The following EXOSC3 variants were observed in gnomAD, a reference collection of about 807,000 sequenced individuals.
EXOSC3 encodes the protein exosome complex component RRP40.
Under a neutral mutation model 25.1 loss-of-function variants are expected in EXOSC3, and 18 were observed. The ratio of observed to expected loss-of-function variants is 0.72; its 90% CI spans 0.50 to 1.06. The LOEUF (loss-of-function observed/expected upper bound fraction) is 1.06, where lower values mean the gene tolerates loss of function less well. Among genes scored for constraint, EXOSC3 ranks in the 50% least tolerant of loss-of-function variants. EXOSC3 has a pLI of 0.00. For missense variants in EXOSC3, 382 were observed against 350.9 expected, an observed-to-expected ratio of 1.09 and a Z score of -0.71; for synonymous variants, 165 against 132.2, an observed-to-expected ratio of 1.25 and a Z score of -1.70.
intron 3 of EXOSC3, among the ~76,000 whole-genome samples, chr9:37,781,329 A>T (rs1828591141): frequency 6.6e-6 from 1 of 151,154 alleles, no homozygotes; most frequent in Non-Finnish European, 1.5e-5. Flanking sequence ...TCTTGGTTAA[A>T]AACATGCTTC....
intron 3 of EXOSC3, 127 bp downstream of exon 3, chr9:37,781,859 G>T: frequency 1.0e-6 from 1 of 1,004,684 alleles, no homozygotes. Context: ...GTGTTAAAAT[G>T]GATACTGATT....
At chr9:37,784,437 G>T in intron 1 of EXOSC3, 1 of 527,994 alleles carries the variant, frequency 1.9e-6, no homozygotes, top group Non-Finnish European at 3.3e-6. Context: ...GCCTAGTCCT[G>T]CCCTCTGAGA....
intron 3 of EXOSC3, among the ~76,000 whole-genome samples, chr9:37,781,215 A>T (rs1178105955): frequency 1.3e-5 from 2 of 151,876 alleles, no homozygotes. Flanking sequence ...GACACTTTAA[A>T]CTTATTTTCC....
rs1828523063 is a variant in EXOSC3 at position 37,779,839 on chromosome 9, T to TG, written c.*839dup. 2 of 152,184 alleles carry TG rather than the reference T, an allele frequency of 1.3e-5. No individual in the cohort carries two copies. 9.4% of individuals were successfully genotyped at this position (152,184 alleles called of 1,614,324 possible). On this transcript the variant is annotated 3_prime_UTR_variant, in exon 4 of 4. Coordinates refer to ENST00000327304, the MANE Select transcript of EXOSC3 (RefSeq NM_016042.4). ...GTCTAGAAACCAAGAATCACTGATG[T>TG]GGATCACCTGGCAGTCTCTTTACCT...
In EXOSC3 at chr9:37,779,766, T is replaced by C. The variant is rs895541047; in HGVS notation, c.*913A>G. On this transcript the variant is annotated 3_prime_UTR_variant, in exon 4 of 4. Transcript: ENST00000327304. ...ATAATCTCTTTGATCCAAAAAGGAC[T>C]TTCTATGGATAGGCTTCAGGGGATC... The C allele has an allele frequency of 1.3e-5, 2 of 152,234 alleles. No individual in the cohort carries two copies. Among genetic ancestry groups the C allele is most frequent in the African/African-American group, 4.8e-5 (2 of 41,464 alleles). The allele number at this position is 152,234 out of a possible 1,614,324, so 9.4% of individuals were successfully genotyped here.
chr9:37,780,740 G>C lies in EXOSC3; in HGVS notation c.767C>G (p.Ala256Gly). Residue 256 changes from alanine (A) to glycine (G), a missense_variant, in exon 4 of 4, where the codon GCT becomes GGT. Coordinates refer to ENST00000327304, the MANE Select transcript of EXOSC3 (RefSeq NM_016042.4). ...QTLILANILE[A>G]CEHMTSDQRK... Reference sequence around the variant, plus strand: ...TTGATCTGACGTCATGTGTTCACAAGCTTCTAAAATGTTTGCCAAAATTAA... The same window carrying C: ...TTGATCTGACGTCATGTGTTCACAACCTTCTAAAATGTTTGCCAAAATTAA... 1 of 1,613,984 alleles carries C rather than the reference G, an allele frequency of 6.2e-7. No individual in the cohort carries two copies. Among genetic ancestry groups the C allele is most frequent in the Non-Finnish European group, 8.5e-7 (1 of 1,179,918 alleles).
At chr9:37,783,185 C>T (rs972985103) in intron 2 of EXOSC3, among the ~76,000 whole-genome samples, 2 of 152,022 alleles carry the variant, frequency 1.3e-5, no homozygotes, top group African/African-American at 4.8e-5. Context: ...CTTGTCTTTT[C>T]GAGAAAGTGA....
At chr9:37,784,543 T>C (rs1828662904) in intron 1 of EXOSC3, 178 bp downstream of exon 1, 2 of 710,670 alleles carry the variant, frequency 2.8e-6, no homozygotes, top group Non-Finnish European at 4.5e-6. Flanking sequence ...TCTCAGGCTA[T>C]GTTCCTATTG....
rs1200851125 is a variant in EXOSC3, at chr9:37,779,814, G to A, written c.*865C>T. On this transcript the variant is annotated 3_prime_UTR_variant, in exon 4 of 4. Transcript: ENST00000327304. ...ATCTGTATCTCACATATTCTCAGAG[G>A]TCTAGAAACCAAGAATCACTGATGT... The A allele has an allele frequency of 3.3e-5, 5 of 152,236 alleles. No individual in the cohort carries two copies. The East Asian group carries it at 5.8e-4, about 18-fold the overall frequency. 9.4% of individuals were successfully genotyped at this position (152,236 alleles called of 1,614,324 possible). A position where few individuals can be genotyped will look rare whatever the true frequency, so the allele number is the denominator to read the frequency against.
intron 1 of EXOSC3, 107 bp from the exon 2 acceptor site, chr9:37,784,170 C>A: frequency 8.2e-7 from 1 of 1,220,334 alleles, no homozygotes; most frequent in Non-Finnish European, 1.1e-6. Context: ...AAAGAGAAAT[C>A]TGATCAAATG....
chr9:37,782,396 A>G (rs1480164427), intron 2 of EXOSC3, among the ~76,000 whole-genome samples: 3 of 152,262 alleles, frequency 2.0e-5, no homozygotes, highest in Non-Finnish European at 4.4e-5. Flanking sequence ...TGCACTGTCC[A>G]ATATGGTAGA....
chr9:37,780,584 C>T lies in EXOSC3; in HGVS notation c.*95G>A, dbSNP rs1037616083. On this transcript the variant is annotated 3_prime_UTR_variant, in exon 4 of 4. Transcript: ENST00000327304. ...TTCGGACTCTAATAATACATACATT[C>T]ACACCTTATCTTCTGAGTATTTAAA... 3.1e-6 allele frequency: 3 copies of T among 969,426 alleles called. No homozygotes were observed. The African/African-American group carries it at 4.9e-5, about 16-fold the overall frequency. The allele number at this position is 969,426 out of a possible 1,614,324, so 60.1% of individuals were successfully genotyped here. A position where few individuals can be genotyped will look rare whatever the true frequency, so the allele number is the denominator to read the frequency against.
Position 37,784,864 on chromosome 9 carries a change from A to T in EXOSC3, c.181T>A (p.Ser61Thr). 6.2e-7 allele frequency: 1 copy of T among 1,607,070 alleles called. No individual in the cohort carries two copies. Among genetic ancestry groups the T allele is most frequent in the Non-Finnish European group, 8.5e-7 (1 of 1,176,972 alleles). The change falls in exon 1 of 4, where the codon TCG becomes ACG. Residue 61 changes from serine (S) to threonine (T), a missense_variant. Physicochemically the swap from Ser to Thr is moderately conservative, Grantham distance 58. Coordinates refer to ENST00000327304, the MANE Select transcript of EXOSC3 (RefSeq NM_016042.4). The stretch of plus-strand genomic sequence containing the variant: ...GGACCGCATACAACGCGCACCCGCG[A>T]GCACGCTCTAGCATTCAGGCTCAAC... ...RPLSLNARACSRVRVVCGPGL... is the reference protein window; with the variant it reads ...RPLSLNARACTRVRVVCGPGL...
rs1828529335 is a variant in EXOSC3 at position 37,779,966 on chromosome 9, C to T, written c.*713G>A. On this transcript the variant is annotated 3_prime_UTR_variant, in exon 4 of 4. Transcript: ENST00000327304. ...AATAAGACTTGGCCAGATTTGGATT[C>T]AGAAATCCTCATAGTGTTATTTATA... The T allele has an allele frequency of 6.6e-6, 1 of 152,106 alleles. No homozygotes were observed. The highest frequency in any genetic ancestry group is 1.5e-5 in the Non-Finnish European group (1 of 68,020). The allele number at this position is 152,106 out of a possible 1,614,324, so 9.4% of individuals were successfully genotyped here.
chr9:37,784,281 AC>A (rs1376205333), intron 1 of EXOSC3: 1 of 530,540 alleles, frequency 1.9e-6, no homozygotes, highest in East Asian at 3.1e-5. Flanking sequence ...AGGCACCCCA[AC>A]CAGTAAGTCT....
rs567862597 is a variant in EXOSC3, at chr9:37,781,740, G to A, written c.626+246C>T. 82 of 469,434 alleles carry A rather than the reference G, an allele frequency of 1.7e-4. No individual in the cohort carries two copies. In the South Asian group the frequency reaches 2.1e-3, roughly 12 times the overall value. The allele number at this position is 469,434 out of a possible 1,614,324, so 29.1% of individuals were successfully genotyped here. The stretch of plus-strand genomic sequence containing the variant: ...CTGGGAAGGAAGATATGAATACAGA[G>A]TAAGAGCTTAAGGCATGAAGTATCA... On this transcript the variant is annotated intron_variant, in intron 3 of 3. Transcript: ENST00000327304.
chr9:37,784,873 T>C lies in EXOSC3; in HGVS notation c.172A>G (p.Arg58Gly), dbSNP rs1359281369. 11 of 1,607,288 alleles carry C rather than the reference T, an allele frequency of 6.8e-6. No homozygotes were observed. In the South Asian group the frequency reaches 1.0e-4, roughly 15 times the overall value. Residue 58 changes from arginine (R) to glycine (G), a missense_variant, in exon 1 of 4, where the codon AGA becomes GGA. Physicochemically the swap from Arg to Gly is moderately radical, Grantham distance 125. Coordinates refer to ENST00000327304, the MANE Select transcript of EXOSC3 (RefSeq NM_016042.4). ...ACAACGCGCACCCGCGAGCACGCTC[T>C]AGCATTCAGGCTCAACGGTCGCTCC... ...AVERPLSLNA[R>G]ACSRVRVVCG... is the part of the protein sequence containing the mutation.
intron 2 of EXOSC3, 176 bp downstream of exon 2, chr9:37,783,738 A>T (rs953664135): frequency 2.2e-5 from 10 of 447,428 alleles, no homozygotes; most frequent in Non-Finnish European, 3.4e-5. Context: ...TAATAATAAT[A>T]ATTATGTGGC....
Position 37,784,992 on chromosome 9 carries a change from C to T in EXOSC3, c.53G>A (p.Arg18His). ...CTGACCTAGTACTGTGCGTGCAGCG[C>T]GCGCCCTGCTGCCCGCGAGAGATTC... is the stretch of plus-strand genomic sequence containing the variant. ...AAESLAGSRA[R>H]AARTVLGQVV... The change falls in exon 1 of 4, where the codon CGC (arginine) becomes CAC (histidine). Residue 18 changes from arginine (R) to histidine (H), a missense_variant. Coordinates refer to ENST00000327304, the MANE Select transcript of EXOSC3 (RefSeq NM_016042.4). The T allele has an allele frequency of 6.2e-7, 1 of 1,610,028 alleles. No individual in the cohort carries two copies. The highest frequency in any genetic ancestry group is 8.5e-7 in the Non-Finnish European group (1 of 1,178,148).
Sources: allele counts gnomAD v4.1 joint callset (sites outside exome capture counted in the v4.1 genomes callset), GRCh38; gene constraint gnomAD v4.1.1; transcripts MANE v1.5; gene names NCBI Gene and HGNC (gene_info 2026-07-23, HGNC 2026-07-21).